The following DUSP16 variants were observed in gnomAD, a reference collection of about 807,000 sequenced individuals.
DUSP16 encodes the protein dual specificity protein phosphatase 16.
Under a neutral mutation model 58.3 loss-of-function variants are expected in DUSP16, and 21 were observed. The observed-to-expected ratio is 0.36, with a 90% CI of 0.26 to 0.52. DUSP16 has a LOEUF of 0.52. DUSP16 is among the 20% of genes least tolerant of loss of function. The pLI, the probability that DUSP16 is intolerant of heterozygous loss-of-function variation, is 0.94. For synonymous variants in DUSP16, 320 were observed against 323.8 expected (o/e 0.99, Z 0.12); for missense variants, 726 against 819.0 (o/e 0.89, Z 1.39).
chr12:12,518,857 T>A (rs565131670), intron 3 of DUSP16, among the ~76,000 whole-genome samples: 29 of 152,306 alleles, frequency 1.9e-4, no homozygotes, highest in African/African-American at 6.7e-4. Flanking sequence ...AGATGAACTA[T>A]CCTTGTTCTT....
chr12:12,486,919 T>C, intron 5 of DUSP16, 109 bp downstream of exon 5: 1 of 1,319,466 alleles, frequency 7.6e-7, no homozygotes, highest in Non-Finnish European at 1.1e-6. Context: ...ACTTTTGAAA[T>C]CTCTGAAATA....
chr12:12,514,528 T>G (rs902990602), intron 3 of DUSP16, among the ~76,000 whole-genome samples: 9 of 152,216 alleles, frequency 5.9e-5, no homozygotes, highest in Non-Finnish European at 8.8e-5. Context: ...TGAAAATGGT[T>G]CCTTTTTTGG....
In DUSP16 at chr12:12,477,183, T is replaced by C. The variant is rs751528775; in HGVS notation, c.1648A>G (p.Thr550Ala). The C allele has an allele frequency of 5.6e-6, 9 of 1,613,952 alleles. No homozygotes were observed. The South Asian group carries it at 7.7e-5, about 14-fold the overall frequency. ...HSDILAPQTSTPSLTSSWYFA... is the reference protein window; with the variant it reads ...HSDILAPQTSAPSLTSSWYFA... Reference sequence around the variant, plus strand: ...TACCAGCTGCTGGTCAGGGAAGGGGTAGAGGTCTGGGGGGCCAAGATATCC... The same window carrying C: ...TACCAGCTGCTGGTCAGGGAAGGGGCAGAGGTCTGGGGGGCCAAGATATCC... Residue 550 changes from threonine to alanine, a missense_variant, in exon 7 of 7, where the codon ACC (threonine) becomes GCC (alanine). Physicochemically the swap from Thr to Ala is moderately conservative, Grantham distance 58. Coordinates refer to ENST00000298573, the MANE Select transcript of DUSP16 (RefSeq NM_030640.3). The surrounding 1 kb of genome is among the most constrained non-coding windows in gnomAD (Gnocchi z 4.1).
chr12:12,560,227 T>A (rs1289365245), intron 1 of DUSP16, among the ~76,000 whole-genome samples: 2 of 151,956 alleles, frequency 1.3e-5, no homozygotes, highest in Non-Finnish European at 2.9e-5. Context: ...TAGCAGAGGT[T>A]AATACTAAAA....
chr12:12,526,214 C>T (rs1415881394), intron 1 of DUSP16, among the ~76,000 whole-genome samples: 1 of 152,148 alleles, frequency 6.6e-6, no homozygotes, highest in African/African-American at 2.4e-5. Flanking sequence ...TATATTTTTA[C>T]CTTTCAGCAA....
intron 3 of DUSP16, among the ~76,000 whole-genome samples, chr12:12,519,530 C>T (rs1944199390): frequency 6.6e-6 from 1 of 152,124 alleles, no homozygotes; most frequent in African/African-American, 2.4e-5. Flanking sequence ...AGATGTTCAT[C>T]ATTTGGTGTT....
At chr12:12,519,783 ACT>A in intron 3 of DUSP16, 77 bp downstream of exon 3, 6 of 1,445,712 alleles carry the variant, frequency 4.2e-6, no homozygotes, top group Non-Finnish European at 5.8e-6. Context: ...GATCTATTGT[ACT>A]GAGTTCACAG....
intron 1 of DUSP16, among the ~76,000 whole-genome samples, chr12:12,532,731 T>C (rs546374461): frequency 6.6e-6 from 1 of 152,114 alleles, no homozygotes; most frequent in African/African-American, 2.4e-5. Context: ...GCAGATCACC[T>C]GAGGTCAAGA....
chr12:12,478,999 T>C (rs1943512312), intron 6 of DUSP16, among the ~76,000 whole-genome samples: 1 of 152,124 alleles, frequency 6.6e-6, no homozygotes, highest in African/African-American at 2.4e-5. Flanking sequence ...CACAGAATCC[T>C]TAAGTGACTT....
At chr12:12,521,892 AC>A (rs1243271899) in intron 1 of DUSP16, among the ~76,000 whole-genome samples, 1 of 152,120 alleles carries the variant, frequency 6.6e-6, no homozygotes, top group Non-Finnish European at 1.5e-5. Flanking sequence ...TGTTACCAGG[AC>A]AAAAAAAAAA....
chr12:12,523,907 C>A (rs1012186268), intron 1 of DUSP16, among the ~76,000 whole-genome samples: 29 of 152,182 alleles, frequency 1.9e-4, no homozygotes, highest in African/African-American at 6.0e-4. Flanking sequence ...CCAGGTGGCA[C>A]AGAAAGTGGA....
intron 4 of DUSP16, chr12:12,491,493 AATTC>A (rs1943760269): frequency 6.6e-6 from 1 of 152,254 alleles, no homozygotes; most frequent in Non-Finnish European, 1.5e-5. Context: ...ATATTTATAT[AATTC>A]ATTCAGTTTA....
chr12:12,527,905 G>A (rs922638269), intron 1 of DUSP16, among the ~76,000 whole-genome samples: 1 of 152,118 alleles, frequency 6.6e-6, no homozygotes, highest in African/African-American at 2.4e-5. Flanking sequence ...ACATCTCAAG[G>A]ACCCACAGAT....
At chr12:12,479,849 C>T (rs1331298786) in intron 6 of DUSP16, among the ~76,000 whole-genome samples, 1 of 152,222 alleles carries the variant, frequency 6.6e-6, no homozygotes, top group Admixed American at 6.5e-5. Flanking sequence ...TGAAGCAGAA[C>T]AGAGATTCTG....
chr12:12,509,475 G>A (rs1028586274), intron 3 of DUSP16, among the ~76,000 whole-genome samples: 1 of 150,646 alleles, frequency 6.6e-6, no homozygotes, highest in Non-Finnish European at 1.5e-5. Flanking sequence ...TAATTCTGTT[G>A]CGTTTAAAGA....
chr12:12,485,828 C>T (rs960158223), intron 5 of DUSP16, among the ~76,000 whole-genome samples: 2 of 119,442 alleles, frequency 1.7e-5, no homozygotes, highest in Admixed American at 1.0e-4. Context: ...GAGTCTCACT[C>T]TGCTGCCTAG....
chr12:12,512,191 C>T (rs540572613), intron 3 of DUSP16, among the ~76,000 whole-genome samples: 1 of 152,256 alleles, frequency 6.6e-6, no homozygotes, highest in South Asian at 2.1e-4. Flanking sequence ...AGTGAGCAAA[C>T]AGCACCTTTT....
intron 4 of DUSP16, among the ~76,000 whole-genome samples, chr12:12,495,309 G>A (rs1398813994): frequency 2.7e-5 from 4 of 150,542 alleles, no homozygotes; most frequent in African/African-American, 9.8e-5. Context: ...CCTAATTGGT[G>A]TTAAGTAGGG....
intron 1 of DUSP16, among the ~76,000 whole-genome samples, chr12:12,555,821 T>C (rs369647133): frequency 4.6e-4 from 70 of 152,268 alleles, no homozygotes; most frequent in African/African-American, 9.9e-4. Flanking sequence ...GGTGGGAGGA[T>C]TGATTGAGCC....
Sources: allele counts gnomAD v4.1 joint callset (sites outside exome capture counted in the v4.1 genomes callset), GRCh38; gene constraint gnomAD v4.1.1; non-coding constraint Gnocchi (gnomAD v3.1); transcripts MANE v1.5; gene names NCBI Gene and HGNC (gene_info 2026-07-23, HGNC 2026-07-21).